BANF2: variants seen among roughly 807,000 people sequenced by gnomAD.
The protein encoded by BANF2 is barrier-to-autointegration factor-like protein.
BANF2 carries 4 observed loss-of-function variants against 8.0 expected under a neutral mutation model. The ratio of observed to expected loss-of-function variants is 0.50; its 90% confidence interval spans 0.25 to 1.14. The LOEUF (loss-of-function observed/expected upper bound fraction) is 1.14. BANF2 is among the 50% of genes most tolerant of loss of function. The pLI, the probability that BANF2 is intolerant of heterozygous loss-of-function variation, is 0.16. For missense variants in BANF2, 96 were observed against 107.5 expected, an observed-to-expected ratio of 0.89 and a Z score of 0.47; for synonymous variants, 50 against 40.6, an observed-to-expected ratio of 1.23 and a Z score of -0.88.
At chr20:17,720,706 A>G (rs889314297) in intron 1 of BANF2, among the ~76,000 whole-genome samples, 7 of 152,246 alleles carry the variant, frequency 4.6e-5, no homozygotes, top group African/African-American at 1.7e-4. Flanking sequence ...TTGCAAGTTG[A>G]AAAGAGTTCA....
In BANF2 at chr20:17,735,794, T is replaced by C; in HGVS notation, c.256T>C (p.Cys86Arg). ...GACTTCTCACTGCCTCAAGGAGTGG[T>C]GTGCCTGCTTCCTGTAGACACAAAC... Reference protein sequence around the residue: ...QQTSHCLKEWCACFL With the variant: ...QQTSHCLKEWRACFL The change falls in exon 4 of 4, where the codon TGT becomes CGT. Residue 86 changes from cysteine to arginine, a missense_variant. Coordinates refer to ENST00000246090, the MANE Select transcript of BANF2 (RefSeq NM_178477.5). 6.2e-7 allele frequency: 1 copy of C among 1,613,686 alleles called. No individual in the cohort carries two copies. Among genetic ancestry groups the C allele is most frequent in the Non-Finnish European group, 8.5e-7 (1 of 1,179,924 alleles).
intron 1 of BANF2, among the ~76,000 whole-genome samples, chr20:17,716,018 C>A (rs1600220330): frequency 6.6e-6 from 1 of 152,226 alleles, no homozygotes; most frequent in East Asian, 1.9e-4. Flanking sequence ...CCACGGTAGG[C>A]TCAGTTCCCA....
intron 1 of BANF2, among the ~76,000 whole-genome samples, chr20:17,719,675 C>G (rs946615843): frequency 2.9e-5 from 4 of 139,294 alleles, no homozygotes; most frequent in South Asian, 2.2e-4. Flanking sequence ...AGTAAAGATC[C>G]CTTTTTTTAA....
upstream of BANF2, among the ~76,000 whole-genome samples, chr20:17,697,089 A>G (rs954194059): frequency 1.3e-5 from 2 of 152,140 alleles, no homozygotes; most frequent in South Asian, 2.1e-4. Context: ...GGCTGGGTGT[A>G]GCATGGTATT....
chr20:17,731,702 G>A (rs1282779945), intron 3 of BANF2, among the ~76,000 whole-genome samples: 1 of 142,538 alleles, frequency 7.0e-6, no homozygotes, highest in East Asian at 2.2e-4. Flanking sequence ...GTTGCCAAGA[G>A]CTACTGCATG....
chr20:17,697,025 T>C (rs4813274), upstream of BANF2, among the ~76,000 whole-genome samples: 127,906 of 151,954 alleles, frequency 0.84, 54,505 homozygotes, highest in East Asian at 0.98. Context: ...AAACTAAGGC[T>C]CCCTGCAAAA....
intron 1 of BANF2, among the ~76,000 whole-genome samples, chr20:17,715,549 G>C (rs1444252382): frequency 6.6e-6 from 1 of 152,232 alleles, no homozygotes; most frequent in Non-Finnish European, 1.5e-5. Context: ...CTAACGGCAA[G>C]GAAGGCAAAT....
intron 1 of BANF2, among the ~76,000 whole-genome samples, chr20:17,716,623 G>A (rs1473857703): frequency 1.3e-5 from 2 of 151,506 alleles, no homozygotes; most frequent in Non-Finnish European, 2.9e-5. Context: ...TAGCCCTTTG[G>A]GAGGCCGAGG....
chr20:17,702,300 T>G (rs991465467), intron 1 of BANF2, among the ~76,000 whole-genome samples: 1 of 152,230 alleles, frequency 6.6e-6, no homozygotes. Flanking sequence ...GAACTCCCTG[T>G]GGGCCCGCCT....
chr20:17,698,395 C>A (rs923228581), upstream of BANF2, among the ~76,000 whole-genome samples: 1 of 152,116 alleles, frequency 6.6e-6, no homozygotes, highest in Non-Finnish European at 1.5e-5. Flanking sequence ...AACTGTGAGC[C>A]AATTAAACCT....
intron 1 of BANF2, among the ~76,000 whole-genome samples, chr20:17,706,059 C>T (rs1160647198): frequency 6.6e-6 from 1 of 152,196 alleles, no homozygotes; most frequent in Non-Finnish European, 1.5e-5. Flanking sequence ...TGGGTCTGTA[C>T]TTAGGAAAAC....
chr20:17,731,749 C>T (rs1452859205), intron 3 of BANF2, among the ~76,000 whole-genome samples: 15 of 107,264 alleles, frequency 1.4e-4, no homozygotes, highest in Admixed American at 6.7e-4. Context: ...AATGAGATCC[C>T]GTCTCTTAGG....
At chr20:17,704,395 G>T (rs372470885) in intron 1 of BANF2, among the ~76,000 whole-genome samples, 4 of 152,214 alleles carry the variant, frequency 2.6e-5, no homozygotes, top group African/African-American at 9.7e-5. Flanking sequence ...CAGGCTGCAC[G>T]TGGAGTAGCA....
At chr20:17,694,000 C>CA (rs1323355858) in intron 1 of BANF2, among the ~76,000 whole-genome samples, 3 of 152,228 alleles carry the variant, frequency 2.0e-5, no homozygotes, top group African/African-American at 7.2e-5. Context: ...TGGGAACAAG[C>CA]AGCATTTGCC....
intron 1 of BANF2, among the ~76,000 whole-genome samples, chr20:17,715,655 A>C (rs2037640969): frequency 6.6e-6 from 1 of 152,126 alleles, no homozygotes. Context: ...CTGCCCCAGC[A>C]CTCTGGGTGG....
intron 1 of BANF2, among the ~76,000 whole-genome samples, chr20:17,701,503 G>A (rs2037408635): frequency 6.6e-6 from 1 of 152,200 alleles, no homozygotes; most frequent in Non-Finnish European, 1.5e-5. Flanking sequence ...AGAATGGGCT[G>A]CTTTGCAAGG....
intron 1 of BANF2, among the ~76,000 whole-genome samples, chr20:17,703,238 T>G (rs2037435458): frequency 6.6e-6 from 1 of 152,180 alleles, no homozygotes; most frequent in African/African-American, 2.4e-5. Flanking sequence ...TTCCAATTGC[T>G]CCTTATCTCT....
At chr20:17,710,539 G>A (rs772162912) in intron 1 of BANF2, among the ~76,000 whole-genome samples, 2 of 152,146 alleles carry the variant, frequency 1.3e-5, no homozygotes, top group Non-Finnish European at 2.9e-5. Context: ...AGCTCAATTC[G>A]GTTCCATTTC....
intron 3 of BANF2, among the ~76,000 whole-genome samples, chr20:17,728,041 A>C (rs2037834546): frequency 6.6e-6 from 1 of 151,914 alleles, no homozygotes; most frequent in Non-Finnish European, 1.5e-5. Flanking sequence ...GTATTTTCAT[A>C]CCTTGCCTGC....
Sources: gnomAD v4.1 joint callset for allele counts (sites outside exome capture counted in the v4.1 genomes callset) on GRCh38, gnomAD v4.1.1 for gene constraint, MANE v1.5 for transcripts, NCBI Gene and HGNC (gene_info 2026-07-23, HGNC 2026-07-21) for gene names.